Variants in GAS7 observed in about 807,000 individuals in gnomAD.
The protein encoded by GAS7 is growth arrest specific 7, also known as growth arrest-specific protein 7.
In GAS7, 28 loss-of-function variants were observed where a neutral mutation model predicts 71.1. The observed-to-expected ratio is 0.39, with a 90% CI of 0.29 to 0.54. GAS7 has a LOEUF of 0.54. GAS7 is among the 20% of genes least tolerant of loss of function. The pLI is 0.62. For synonymous variants in GAS7, 258 were observed against 245.8 expected (o/e 1.05, Z -0.46); for missense variants, 436 against 627.8 (o/e 0.69, Z 3.27).
chr17:9,978,078 G>A (rs1246374841), intron 3 of GAS7, among the ~76,000 whole-genome samples: 2 of 152,056 alleles, frequency 1.3e-5, no homozygotes, highest in African/African-American at 4.8e-5. Context: ...GCTGGGCAAG[G>A]TGGCATGTGC....
chr17:10,015,113 C>G (rs1264449371), intron 2 of GAS7, among the ~76,000 whole-genome samples: 2 of 151,906 alleles, frequency 1.3e-5, no homozygotes, highest in African/African-American at 4.8e-5. Flanking sequence ...CGAGATCGCA[C>G]CACTGCACTC....
intron 1 of GAS7, among the ~76,000 whole-genome samples, chr17:10,064,754 GT>G (rs372367965): frequency 0.43 from 64,834 of 151,822 alleles, 14,079 homozygotes; most frequent in Non-Finnish European, 0.47. Flanking sequence ...TGCTGACACT[GT>G]TTGTTTAAGC....
intron 1 of GAS7, among the ~76,000 whole-genome samples, chr17:10,156,903 C>G (rs2074209733): frequency 6.6e-6 from 1 of 152,158 alleles, no homozygotes. Flanking sequence ...CAAGATCCCC[C>G]TCCAGGCACC....
chr17:10,141,706 A>G (rs11651344), intron 1 of GAS7, among the ~76,000 whole-genome samples: 29,259 of 152,130 alleles, frequency 0.19, 3,036 homozygotes, highest in African/African-American at 0.24. Flanking sequence ...GCCTTGGGCA[A>G]GTTCTGGTAC....
intron 1 of GAS7, among the ~76,000 whole-genome samples, chr17:10,130,342 A>G (rs931332131): frequency 6.6e-6 from 1 of 152,046 alleles, no homozygotes; most frequent in South Asian, 2.1e-4. Context: ...AAAAAAAAAA[A>G]AAAAAACGTA....
intron 1 of GAS7, among the ~76,000 whole-genome samples, chr17:10,074,274 C>A (rs1335146026): frequency 6.6e-6 from 1 of 152,132 alleles, no homozygotes; most frequent in Non-Finnish European, 1.5e-5. Flanking sequence ...GGATTGATTG[C>A]ATATTCTTTA....
intron 1 of GAS7, among the ~76,000 whole-genome samples, chr17:10,146,284 C>T (rs565491810): frequency 3.9e-5 from 6 of 152,340 alleles, no homozygotes; most frequent in South Asian, 2.1e-4. Flanking sequence ...TGTGCCCAAC[C>T]AGTCCATCAA....
At chr17:10,172,165 G>A (rs1280500717) in intron 1 of GAS7, among the ~76,000 whole-genome samples, 1 of 152,132 alleles carries the variant, frequency 6.6e-6, no homozygotes, top group Non-Finnish European at 1.5e-5. Context: ...GCTACTTCCT[G>A]GACTGCAAAA....
At chr17:10,070,724 T>A (rs1476141455) in intron 1 of GAS7, among the ~76,000 whole-genome samples, 1 of 151,810 alleles carries the variant, frequency 6.6e-6, no homozygotes, top group Non-Finnish European at 1.5e-5. Flanking sequence ...ACTAGCCTGG[T>A]CTTGCAGAGA....
chr17:10,179,294 T>G (rs1986506), intron 1 of GAS7, among the ~76,000 whole-genome samples: 1 of 151,666 alleles, frequency 6.6e-6, no homozygotes, highest in Non-Finnish European at 1.5e-5. Flanking sequence ...GATCGTTCCA[T>G]TGCACTCCAG....
intron 1 of GAS7, among the ~76,000 whole-genome samples, chr17:10,145,807 G>A (rs1481395644): frequency 6.6e-6 from 1 of 152,172 alleles, no homozygotes; most frequent in Admixed American, 6.5e-5. Flanking sequence ...AGAAATGAGA[G>A]ACACCTCCCA....
chr17:10,168,680 A>T lies in GAS7; in HGVS notation c.183+29528T>A, dbSNP rs141428692. Among the ~76,000 whole-genome samples, 634 of 152,318 alleles carry T rather than the reference A, an allele frequency of 4.2e-3. 3 individuals carry two copies. The highest frequency in any genetic ancestry group is 4.1e-3 in the Non-Finnish European group (280 of 68,036). ...TGTATATTAATTGTGTGGTTAAAAA[A>T]TTAATAATTAGGCTGGGCACGGTGG... On this transcript the variant is annotated intron_variant, in intron 1 of 13. Transcript: ENST00000432992.
chr17:9,967,820 A>T (rs2069783589), intron 4 of GAS7, among the ~76,000 whole-genome samples: 1 of 152,188 alleles, frequency 6.6e-6, no homozygotes, highest in Non-Finnish European at 1.5e-5. Flanking sequence ...CTTGCACATA[A>T]ATCAGAACCC....
Position 10,039,543 on chromosome 17 carries a change from C to T in GAS7, c.184-19646G>A, listed in dbSNP as rs189170465. On this transcript the variant is annotated intron_variant, in intron 1 of 13. Coordinates refer to ENST00000432992, the MANE Select transcript of GAS7 (RefSeq NM_201433.2). ...CTAAAAATACAAAAAATTGGCTAGG[C>T]ATGGTGGCGGGCGCCTGTAATCCCA... Among the ~76,000 whole-genome samples, 80 of 152,204 alleles carry T rather than the reference C, an allele frequency of 5.3e-4. 1 individual carries two copies. In the East Asian group the frequency reaches 0.014, roughly 27 times the overall value.
intron 1 of GAS7, among the ~76,000 whole-genome samples, chr17:10,088,961 C>T (rs7210293): frequency 0.3 from 45,707 of 151,644 alleles, 7,339 homozygotes; most frequent in Non-Finnish European, 0.33. Flanking sequence ...AGTTCGAGAC[C>T]AGCCTGACCA....
At chr17:10,147,307 C>T (rs1364780992) in intron 1 of GAS7, among the ~76,000 whole-genome samples, 1 of 152,152 alleles carries the variant, frequency 6.6e-6, no homozygotes, top group East Asian at 1.9e-4. Context: ...CCAGGCAAAG[C>T]CAGCAGTGGG....
At position 9,947,463 on chromosome 17, in the gene GAS7, G is replaced by A. The variant is rs1040724297; in HGVS notation, c.526-480C>T. ...AGTTCTTAAATTTAATTAGGAAAGC[G>A]GCCGGGCGCGGTGGCTCACGCCTGT... On this transcript the variant is annotated intron_variant, in intron 5 of 13. Coordinates refer to ENST00000432992, the MANE Select transcript of GAS7 (RefSeq NM_201433.2). 3.9e-5 allele frequency among the ~76,000 whole-genome samples: 6 copies of A among 152,314 alleles called. No homozygotes were observed. In the South Asian group the frequency reaches 1.0e-3, roughly 26 times the overall value.
intron 1 of GAS7, among the ~76,000 whole-genome samples, chr17:10,020,326 T>A (rs1248235241): frequency 6.6e-6 from 1 of 152,128 alleles, no homozygotes; most frequent in African/African-American, 2.4e-5. Context: ...TGTGCAAACC[T>A]AGCAGAAGTA....
At chr17:9,951,045 C>A (rs1386863502) in intron 5 of GAS7, among the ~76,000 whole-genome samples, 2 of 152,184 alleles carry the variant, frequency 1.3e-5, no homozygotes, top group African/African-American at 4.8e-5. Context: ...TGGTTTCGGG[C>A]CGAGTCCCCA....
Sources: allele counts gnomAD v4.1 joint callset (sites outside exome capture counted in the v4.1 genomes callset), GRCh38; gene constraint gnomAD v4.1.1; transcripts MANE v1.5; gene names NCBI Gene and HGNC (gene_info 2026-07-23, HGNC 2026-07-21).